The following ANO7 variants were observed in gnomAD, a reference collection of about 807,000 sequenced individuals.
ANO7 encodes the protein anoctamin-7.
A neutral mutation model predicts 115.8 loss-of-function variants in ANO7; 114 were observed. That is an observed-to-expected ratio of 0.98 (90% confidence interval 0.85 to 1.15). The LOEUF is 1.15. Among genes scored for constraint, ANO7 ranks in the 50% most tolerant of loss-of-function variants. The pLI is 0.00. For missense variants in ANO7, 1,302 were observed against 1,201.2 expected (o/e 1.08, Z -1.24); for synonymous variants, 550 against 498.2 (o/e 1.10, Z -1.38).
the ANO7 span, among the ~76,000 whole-genome samples, chr2:241,234,529 A>G: frequency 6.6e-6 from 1 of 152,204 alleles, no homozygotes; most frequent in Non-Finnish European, 1.5e-5. Flanking sequence ...GTGGAAAGCC[A>G]ACCCCCTTAG....
At chr2:241,217,555 G>A (rs1156452278) in intron 19 of ANO7, 131 bp from the exon 20 acceptor site, 11 of 1,048,592 alleles carry the variant, frequency 1.0e-5, no homozygotes, top group Non-Finnish European at 1.5e-5. Context: ...GGGAGACCAG[G>A]AGGTGGGGGC....
chr2:241,236,785 A>C, the ANO7 span: 3 of 1,611,348 alleles, frequency 1.9e-6, no homozygotes, highest in Non-Finnish European at 2.5e-6. Context: ...GAGAAAGGGG[A>C]AAAGGGACAG....
rs1345492654 is a variant in ANO7, at chr2:241,202,253, C to T, written c.672C>T (p.Ile224=). The T allele has an allele frequency of 1.9e-6, 3 of 1,613,608 alleles. No individual in the cohort carries two copies. The highest frequency in any genetic ancestry group is 2.7e-5 in the African/African-American group (2 of 74,944). The change falls in exon 8 of 25, where the codon ATC becomes ATT. Residue 224 remains isoleucine (I), a synonymous_variant. Coordinates refer to ENST00000674324, the MANE Select transcript of ANO7 (RefSeq NM_001370694.2). ...YGHEKKNLLG[I]HQLLAEGVLS... Reference sequence around the variant, plus strand: ...ACGAGAAGAAAAACCTGCTTGGGATCCACCAGCTGCTGGCAGAGGGTGTCC... The same window carrying T: ...ACGAGAAGAAAAACCTGCTTGGGATTCACCAGCTGCTGGCAGAGGGTGTCC...
chr2:241,238,600 TG>T, the ANO7 span: 41 of 1,421,062 alleles, frequency 2.9e-5, no homozygotes, highest in East Asian at 1.0e-3. The surrounding 1 kb of genome is among the most constrained non-coding windows in gnomAD (Gnocchi z 4.9). Context: ...GCCTCTCACA[TG>T]GGAGGCGCCA....
At chr2:241,227,951 T>C (rs1337062492), downstream of ANO7, 1 of 152,184 alleles carries the variant, frequency 6.6e-6, no homozygotes, top group African/African-American at 2.4e-5. Flanking sequence ...CTATATTCCT[T>C]CCAATCCCAA....
chr2:241,209,510 C>T lies in ANO7; in HGVS notation c.1234C>T (p.Pro412Ser). ...GGCTCCCTTCCAGGAGAGGCCTCGGCCCCAGTTTGCCGCCTCAGCCCCCAT... is the reference window on the plus strand; with the variant it reads ...GGCTCCCTTCCAGGAGAGGCCTCGGTCCCAGTTTGCCGCCTCAGCCCCCAT... ...DYEDTEERPR[P>S]QFAASAPMTA... is the part of the protein sequence containing the mutation. Residue 412 changes from proline to serine, a missense_variant, in exon 13 of 25, where the codon CCC becomes TCC. By Grantham distance (74) the Pro-to-Ser change is moderately conservative. Coordinates refer to ENST00000674324, the MANE Select transcript of ANO7 (RefSeq NM_001370694.2). 2.5e-6 allele frequency: 4 copies of T among 1,590,712 alleles called. No homozygotes were observed. Among genetic ancestry groups the T allele is most frequent in the Non-Finnish European group, 3.4e-6 (4 of 1,168,388 alleles).
the ANO7 span, among the ~76,000 whole-genome samples, chr2:241,232,520 C>A: frequency 6.6e-6 from 1 of 152,208 alleles, no homozygotes; most frequent in Non-Finnish European, 1.5e-5. Flanking sequence ...AGGGGATCCA[C>A]CCGCCTCGGC....
chr2:241,230,728 T>G, downstream of ANO7: 1 of 1,598,876 alleles, frequency 6.3e-7, no homozygotes. This position sits in a 1 kb window ranked among gnomAD's most constrained non-coding sequence, Gnocchi z 5.0. Flanking sequence ...TGAGAGAGGA[T>G]TCTCACCCAC....
Position 241,209,646 on chromosome 2 carries a change from C to T in ANO7, c.1359+11C>T, listed in dbSNP as rs1287668486. On this transcript the variant is annotated intron_variant, in intron 13 of 24. Coordinates refer to ENST00000674324, the MANE Select transcript of ANO7 (RefSeq NM_001370694.2). ...GTGATCGTGGTGATGGTATGCGGTCCCCCTGCCCTCCGCTCACGCCTCCAT... is the reference window on the plus strand; with the variant it reads ...GTGATCGTGGTGATGGTATGCGGTCTCCCTGCCCTCCGCTCACGCCTCCAT... 1 of 1,528,458 alleles carries T rather than the reference C, an allele frequency of 6.5e-7. No individual in the cohort carries two copies. 94.7% of individuals were successfully genotyped at this position (1,528,458 alleles called of 1,614,324 possible).
the ANO7 span, chr2:241,239,997 C>T: frequency 1.2e-6 from 2 of 1,614,202 alleles, no homozygotes; most frequent in Non-Finnish European, 1.7e-6. This position sits in a 1 kb window ranked among gnomAD's most constrained non-coding sequence, Gnocchi z 4.6. Context: ...TGTCCTCAGC[C>T]GCAGGGAAGA....
the ANO7 span, among the ~76,000 whole-genome samples, chr2:241,232,597 T>C: frequency 1.3e-5 from 2 of 152,052 alleles, no homozygotes; most frequent in Non-Finnish European, 2.9e-5. Flanking sequence ...TTAAGATTGA[T>C]AATTATATAG....
chr2:241,222,282 G>GATT (rs1256731128), intron 21 of ANO7, among the ~76,000 whole-genome samples: 2 of 147,908 alleles, frequency 1.4e-5, no homozygotes, highest in Admixed American at 1.4e-4. Context: ...AAAGTGCTGG[G>GATT]ATTACAGGCA....
the ANO7 span, among the ~76,000 whole-genome samples, chr2:241,231,980 G>A: frequency 5.3e-5 from 8 of 152,114 alleles, no homozygotes; most frequent in Non-Finnish European, 8.8e-5. Context: ...CTAGAGGACA[G>A]GGACAAATGC....
At chr2:241,211,311 C>T (rs1402912977) in intron 15 of ANO7, among the ~76,000 whole-genome samples, 1 of 119,240 alleles carries the variant, frequency 8.4e-6, no homozygotes. Context: ...GTTCTTCCCT[C>T]CCCCTTCCTC....
At chr2:241,208,894 A>G (rs543158696) in intron 11 of ANO7, among the ~76,000 whole-genome samples, 1 of 152,292 alleles carries the variant, frequency 6.6e-6, no homozygotes, top group South Asian at 2.1e-4. Flanking sequence ...TCACGCCTGT[A>G]ATCCCAGCAC....
the ANO7 span, chr2:241,239,528 C>T: frequency 6.5e-6 from 8 of 1,238,936 alleles, no homozygotes; most frequent in African/African-American, 4.4e-5. This position sits in a 1 kb window ranked among gnomAD's most constrained non-coding sequence, Gnocchi z 4.6. Context: ...CAGGGTGGAG[C>T]GAACACTCAT....
intron 17 of ANO7, among the ~76,000 whole-genome samples, 200 bp from the exon 18 acceptor site, chr2:241,214,605 G>A (rs2068781889): frequency 6.6e-6 from 1 of 152,210 alleles, no homozygotes; most frequent in Non-Finnish European, 1.5e-5. Context: ...TTCCAATGCA[G>A]TCTTCCAGCT....
chr2:241,216,895 G>A (rs191890889), intron 19 of ANO7, among the ~76,000 whole-genome samples: 4 of 152,290 alleles, frequency 2.6e-5, no homozygotes, highest in East Asian at 3.9e-4. Context: ...GTGCAGTGGC[G>A]CCATCTCGGC....
At chr2:241,208,992 A>AT (rs1433442053) in intron 11 of ANO7, among the ~76,000 whole-genome samples, 19 of 152,278 alleles carry the variant, frequency 1.2e-4, no homozygotes, top group Admixed American at 1.2e-3. Context: ...TACTAAAAAT[A>AT]CAAAAATTTA....
Sources: gnomAD v4.1 joint callset for allele counts (sites outside exome capture counted in the v4.1 genomes callset) on GRCh38, gnomAD v4.1.1 for gene constraint, Gnocchi (gnomAD v3.1) non-coding constraint, MANE v1.5 for transcripts, NCBI Gene and HGNC (gene_info 2026-07-23, HGNC 2026-07-21) for gene names.